Variants in RPS6KC1 observed in about 807,000 individuals in gnomAD.
RPS6KC1 encodes the protein inactive ribosomal protein S6 kinase delta-1.
In RPS6KC1, 54 loss-of-function variants were observed where a neutral mutation model predicts 103.8. The observed-to-expected ratio is 0.52, with a 90% CI of 0.42 to 0.65. The LOEUF (loss-of-function observed/expected upper bound fraction) is 0.65. Ranked by LOEUF, RPS6KC1 falls within the 30% of genes least tolerant of loss-of-function variation. The pLI is 0.00. For missense variants in RPS6KC1, 1,151 were observed against 1,253.8 expected (o/e 0.92, Z 1.24); for synonymous variants, 439 against 438.7 (o/e 1.00, Z -0.01).
At chr1:213,188,278 C>T (rs1292320339) in intron 8 of RPS6KC1, among the ~76,000 whole-genome samples, 1 of 151,882 alleles carries the variant, frequency 6.6e-6, no homozygotes, top group Non-Finnish European at 1.5e-5. Context: ...CTCAGTCTTA[C>T]CTTTTACAGT....
At chr1:213,129,417 G>A (rs2085338902) in intron 5 of RPS6KC1, 110 bp from the exon 6 acceptor site, 7 of 1,211,140 alleles carry the variant, frequency 5.8e-6, no homozygotes, top group Non-Finnish European at 6.9e-6. Context: ...GTAAATTACA[G>A]CCTTCCAAAT....
At chr1:213,810,892 G>A in the RPS6KC1 span, among the ~76,000 whole-genome samples, 1 of 152,166 alleles carries the variant, frequency 6.6e-6, no homozygotes, top group Non-Finnish European at 1.5e-5. Flanking sequence ...CTGGTAAGTG[G>A]CTGGTCTAGA....
chr1:213,363,435 T>A, the RPS6KC1 span, among the ~76,000 whole-genome samples: 1 of 152,178 alleles, frequency 6.6e-6, no homozygotes, highest in Non-Finnish European at 1.5e-5. Flanking sequence ...GCTCCTCCCA[T>A]CTTCCAACTC....
chr1:213,414,357 T>A, the RPS6KC1 span, among the ~76,000 whole-genome samples: 1 of 152,158 alleles, frequency 6.6e-6, no homozygotes, highest in Non-Finnish European at 1.5e-5. Flanking sequence ...AGGGTCTTTG[T>A]AGATATAATT....
At chr1:213,220,698 A>T (rs575197389) in intron 8 of RPS6KC1, among the ~76,000 whole-genome samples, 1 of 152,318 alleles carries the variant, frequency 6.6e-6, no homozygotes, top group African/African-American at 2.4e-5. Flanking sequence ...TTTTATACTT[A>T]TTTTCTTCTA....
the RPS6KC1 span, among the ~76,000 whole-genome samples, chr1:213,793,682 A>G: frequency 6.6e-6 from 1 of 152,206 alleles, no homozygotes; most frequent in Non-Finnish European, 1.5e-5. Flanking sequence ...ATCAAAATGC[A>G]GGTTGGAGTT....
At chr1:213,380,853 A>G in the RPS6KC1 span, among the ~76,000 whole-genome samples, 2 of 151,912 alleles carry the variant, frequency 1.3e-5, no homozygotes, top group South Asian at 4.2e-4. Flanking sequence ...TCTCCCTCTC[A>G]TGTCTCAGGG....
the RPS6KC1 span, among the ~76,000 whole-genome samples, chr1:213,317,638 G>C: frequency 6.6e-6 from 1 of 152,216 alleles, no homozygotes; most frequent in African/African-American, 2.4e-5. Flanking sequence ...CCTATAGCAG[G>C]TAGGAAGTGC....
intron 8 of RPS6KC1, among the ~76,000 whole-genome samples, chr1:213,216,509 C>T (rs1230237224): frequency 1.3e-5 from 2 of 152,160 alleles, no homozygotes; most frequent in East Asian, 1.9e-4. Flanking sequence ...CTCAGCTCTG[C>T]ACCAAGTGGA....
At chr1:213,851,311 G>A in the RPS6KC1 span, among the ~76,000 whole-genome samples, 1 of 152,070 alleles carries the variant, frequency 6.6e-6, no homozygotes, top group African/African-American at 2.4e-5. Flanking sequence ...TGATGTATTA[G>A]CAACCTCTCC....
the RPS6KC1 span, among the ~76,000 whole-genome samples, chr1:213,388,544 G>A: frequency 6.6e-6 from 1 of 152,220 alleles, no homozygotes; most frequent in Non-Finnish European, 1.5e-5. Context: ...GACTCTGGTT[G>A]CAAATGAAAA....
At chr1:213,746,516 T>C in the RPS6KC1 span, among the ~76,000 whole-genome samples, 1 of 152,176 alleles carries the variant, frequency 6.6e-6, no homozygotes, top group African/African-American at 2.4e-5. Flanking sequence ...TGTAGGATAT[T>C]ATAGGTCATT....
At chr1:213,607,688 TAC>T in the RPS6KC1 span, among the ~76,000 whole-genome samples, 1,865 of 140,838 alleles carry the variant, frequency 0.013, 24 homozygotes, top group African/African-American at 0.034. Context: ...CAGTTGCAAT[TAC>T]ACACACACAC....
chr1:213,668,272 A>G, the RPS6KC1 span, among the ~76,000 whole-genome samples: 2 of 150,208 alleles, frequency 1.3e-5, no homozygotes, highest in Non-Finnish European at 2.9e-5. Context: ...TGACTCCTTG[A>G]TTCATGGGCT....
intron 6 of RPS6KC1, among the ~76,000 whole-genome samples, chr1:213,164,642 A>C (rs2090790522): frequency 6.6e-6 from 1 of 152,210 alleles, no homozygotes; most frequent in Non-Finnish European, 1.5e-5. Flanking sequence ...GGCTCACCAC[A>C]GCCATGATTT....
chr1:213,344,952 C>T, the RPS6KC1 span, among the ~76,000 whole-genome samples: 1 of 152,282 alleles, frequency 6.6e-6, no homozygotes, highest in East Asian at 1.9e-4. Context: ...CTAGTAGCCA[C>T]TCCAGTATTT....
chr1:213,066,062 A>C (rs921456753), intron 1 of RPS6KC1, among the ~76,000 whole-genome samples: 7 of 152,214 alleles, frequency 4.6e-5, no homozygotes, highest in African/African-American at 1.7e-4. Flanking sequence ...TGAGAAAATG[A>C]AGTGATTCAT....
chr1:213,314,114 C>G, the RPS6KC1 span, among the ~76,000 whole-genome samples: 1 of 152,014 alleles, frequency 6.6e-6, no homozygotes, highest in Non-Finnish European at 1.5e-5. Context: ...TGGTCCTCGG[C>G]CTTCCTTGGC....
intron 12 of RPS6KC1, among the ~76,000 whole-genome samples, chr1:213,260,608 A>G (rs944796643): frequency 6.6e-6 from 1 of 151,860 alleles, no homozygotes; most frequent in Non-Finnish European, 1.5e-5. Flanking sequence ...ACTTGAAAGT[A>G]GTTATGAATT....
Sources: allele counts gnomAD v4.1 joint callset (sites outside exome capture counted in the v4.1 genomes callset), GRCh38; gene constraint gnomAD v4.1.1; transcripts MANE v1.5; gene names NCBI Gene and HGNC (gene_info 2026-07-23, HGNC 2026-07-21).